The following SGCZ variants were observed in gnomAD, a reference collection of about 807,000 sequenced individuals.
SGCZ encodes sarcoglycan zeta.
A neutral mutation model predicts 41.3 loss-of-function variants in SGCZ; 40 were observed. The observed-to-expected ratio is 0.97, with a 90% CI of 0.75 to 1.26. The LOEUF (loss-of-function observed/expected upper bound fraction) is 1.26, where lower values mean the gene tolerates loss of function less well. Ranked by LOEUF, SGCZ falls within the 50% of genes most tolerant of loss-of-function variation. The pLI is 0.00. For synonymous variants in SGCZ, 206 were observed against 137.5 expected (o/e 1.50, Z -3.49); for missense variants, 552 against 369.8 (o/e 1.49, Z -4.04).
intron 1 of SGCZ, among the ~76,000 whole-genome samples, chr8:15,046,516 T>C (rs1187299771): frequency 6.6e-6 from 1 of 152,050 alleles, no homozygotes; most frequent in African/African-American, 2.4e-5. Context: ...GTTTGCAGTG[T>C]TCTTTTTCTA....
At chr8:15,231,077 C>A (rs1211420703) in intron 1 of SGCZ, among the ~76,000 whole-genome samples, 1 of 152,154 alleles carries the variant, frequency 6.6e-6, no homozygotes, top group African/African-American at 2.4e-5. Flanking sequence ...ACAGTGTGAG[C>A]TTTAGTACTT....
intron 2 of SGCZ, among the ~76,000 whole-genome samples, chr8:14,464,065 C>T (rs1157283578): frequency 6.6e-6 from 1 of 151,532 alleles, no homozygotes; most frequent in African/African-American, 2.4e-5. Flanking sequence ...ATAAGGAATA[C>T]TTGTCTCTAG....
rs528745982 is a variant in SGCZ at position 14,378,615 on chromosome 8, C to T, written c.235-54411G>A. 5.3e-5 allele frequency among the ~76,000 whole-genome samples: 8 copies of T among 152,164 alleles called. No homozygotes were observed. The South Asian group carries it at 6.2e-4, about 12-fold the overall frequency. On this transcript the variant is annotated intron_variant, in intron 2 of 7. Coordinates refer to ENST00000382080, the MANE Select transcript of SGCZ (RefSeq NM_139167.4). ...ACAAACAACCCCATCAAAAAGTGGG[C>T]GAAGGACATGAGAACCCTTGATTTA...
chr8:14,496,164 C>T (rs1457739641), intron 2 of SGCZ, among the ~76,000 whole-genome samples: 5 of 151,592 alleles, frequency 3.3e-5, no homozygotes, highest in African/African-American at 1.2e-4. Flanking sequence ...CTCTTGGCCT[C>T]AGGCAATCCT....
chr8:14,274,725 T>C (rs1800172056), intron 3 of SGCZ, among the ~76,000 whole-genome samples: 1 of 151,628 alleles, frequency 6.6e-6, no homozygotes, highest in East Asian at 1.9e-4. Context: ...ACATATAATT[T>C]TTTTCACAAA....
At chr8:14,607,818 C>T (rs1032700221) in intron 1 of SGCZ, among the ~76,000 whole-genome samples, 1 of 152,252 alleles carries the variant, frequency 6.6e-6, no homozygotes, top group Admixed American at 6.5e-5. Context: ...TGATCTACAC[C>T]TATGTGCCCA....
intron 1 of SGCZ, among the ~76,000 whole-genome samples, chr8:15,168,740 T>A (rs1342593627): frequency 1.3e-5 from 2 of 152,216 alleles, no homozygotes; most frequent in African/African-American, 4.8e-5. Flanking sequence ...GCTTTCTTTT[T>A]CTTTTCTCCT....
At chr8:14,157,514 C>A (rs561969268) in intron 5 of SGCZ, among the ~76,000 whole-genome samples, 1 of 150,546 alleles carries the variant, frequency 6.6e-6, no homozygotes, top group Admixed American at 6.6e-5. Context: ...TTTGATAATA[C>A]TATTTTTACC....
chr8:15,140,650 CT>C (rs1396695735), intron 1 of SGCZ, among the ~76,000 whole-genome samples: 1 of 152,068 alleles, frequency 6.6e-6, no homozygotes. Flanking sequence ...TTTATATTTA[CT>C]TTTTTGTGTA....
Position 14,166,316 on chromosome 8 carries a change from T to C in SGCZ, c.425-1614A>G, listed in dbSNP as rs529971760. On this transcript the variant is annotated intron_variant, in intron 4 of 7. Transcript: ENST00000382080. ...CCTTGGTCATAGTTGTTGCATTTGA[T>C]CTTGAAAACATTATTTCGACAGCTT... Among the ~76,000 whole-genome samples, 15 of 152,288 alleles carry C rather than the reference T, an allele frequency of 9.8e-5. No individual in the cohort carries two copies. In the South Asian group the frequency reaches 2.7e-3, roughly 27 times the overall value.
chr8:14,492,841 C>T (rs1184742728), intron 2 of SGCZ, among the ~76,000 whole-genome samples: 2 of 151,924 alleles, frequency 1.3e-5, no homozygotes, highest in African/African-American at 4.8e-5. Flanking sequence ...TCAACCTCTA[C>T]CTACACCTGA....
chr8:15,096,912 T>C (rs2124023), intron 1 of SGCZ, among the ~76,000 whole-genome samples: 146,363 of 152,184 alleles, frequency 0.96, 70,532 homozygotes, highest in Middle Eastern at 1. Flanking sequence ...GTCTTGATCT[T>C]CTGACCTCGT....
intron 2 of SGCZ, among the ~76,000 whole-genome samples, chr8:14,397,047 T>TA (rs1417824764): frequency 1.3e-5 from 2 of 152,136 alleles, no homozygotes; most frequent in Admixed American, 1.3e-4. Flanking sequence ...TTTATCATCT[T>TA]AAAATGAGTA....
intron 3 of SGCZ, among the ~76,000 whole-genome samples, chr8:14,305,931 C>A (rs1035607509): frequency 2.6e-5 from 4 of 152,180 alleles, no homozygotes; most frequent in African/African-American, 9.7e-5. Flanking sequence ...GACTAACCTC[C>A]TACTGGATGA....
rs114999264 is a variant in SGCZ at position 14,978,769 on chromosome 8, C to T, written c.39+258816G>A. On this transcript the variant is annotated intron_variant, in intron 1 of 7. Coordinates refer to ENST00000382080, the MANE Select transcript of SGCZ (RefSeq NM_139167.4). ...CTAAAGAAGACCGATAAATTGATGA[C>T]GGATTTCCTGCCATCAGAGTTTACA... is the stretch of plus-strand genomic sequence containing the variant. Among the ~76,000 whole-genome samples, 746 of 150,764 alleles carry T rather than the reference C, an allele frequency of 4.9e-3. 4 individuals are homozygous for T. The highest frequency in any genetic ancestry group is 0.011 in the African/African-American group (457 of 41,332).
chr8:14,840,434 T>C (rs767393453), intron 1 of SGCZ, among the ~76,000 whole-genome samples: 15 of 152,140 alleles, frequency 9.9e-5, no homozygotes, highest in Non-Finnish European at 1.6e-4. Flanking sequence ...TAATACAATG[T>C]TGCGGAAAAC....
intron 2 of SGCZ, among the ~76,000 whole-genome samples, chr8:14,506,430 T>G (rs1470178158): frequency 6.6e-6 from 1 of 152,026 alleles, no homozygotes; most frequent in Non-Finnish European, 1.5e-5. Flanking sequence ...TCTACGGTAT[T>G]ATCCTATTGC....
chr8:14,962,811 A>T (rs916890508), intron 1 of SGCZ, among the ~76,000 whole-genome samples: 1 of 152,214 alleles, frequency 6.6e-6, no homozygotes, highest in Non-Finnish European at 1.5e-5. Flanking sequence ...ATTCGTCGTG[A>T]TAAGATATGC....
chr8:14,457,101 G>A (rs560114951), intron 2 of SGCZ, among the ~76,000 whole-genome samples: 2 of 152,280 alleles, frequency 1.3e-5, no homozygotes, highest in South Asian at 4.1e-4. Flanking sequence ...AGTTATACCA[G>A]ATATACCTCT....
Sources: allele counts gnomAD v4.1 joint callset (sites outside exome capture counted in the v4.1 genomes callset), GRCh38; gene constraint gnomAD v4.1.1; transcripts MANE v1.5; gene names NCBI Gene and HGNC (gene_info 2026-07-23, HGNC 2026-07-21).